The following PLK3 variants were observed in gnomAD, a reference collection of about 807,000 sequenced individuals.
PLK3 encodes the protein serine/threonine-protein kinase PLK3.
A neutral mutation model predicts 71.6 loss-of-function variants in PLK3; 41 were observed. The observed-to-expected ratio is 0.57, with a 90% CI of 0.45 to 0.74. The LOEUF is 0.74. PLK3 is among the 30% of genes least tolerant of loss of function. The pLI is 0.00. For missense variants in PLK3, 791 were observed against 875.6 expected, an observed-to-expected ratio of 0.90 and a Z score of 1.22; for synonymous variants, 366 against 355.4, an observed-to-expected ratio of 1.03 and a Z score of -0.33.
At chr1:44,802,012 G>A in intron 5 of PLK3, 80 bp downstream of exon 5, 2 of 1,041,680 alleles carry the variant, frequency 1.9e-6, no homozygotes, top group Non-Finnish European at 2.9e-6. Flanking sequence ...TGGGAGGCAA[G>A]GTGACTGCCT....
rs139294226 is a variant in PLK3, at chr1:44,804,711, C to T, written c.1567C>T (p.Arg523Trp). Residue 523 changes from arginine (R) to tryptophan (W), a missense_variant, in exon 13 of 15, where the codon CGG (arginine) becomes TGG (tryptophan). Physicochemically the swap from Arg to Trp is moderately radical, Grantham distance 101. Coordinates refer to ENST00000372201, the MANE Select transcript of PLK3 (RefSeq NM_004073.4). The part of the protein sequence containing the change: ...HFSFSVGAVP[R>W]ALQPQLGILR... ...CTCCTTCTCCGTGGGTGCTGTGCCC[C>T]GGGCCCTGCAGCCTCAGCTGGGTAT... is the stretch of plus-strand genomic sequence containing the variant. The T allele has an allele frequency of 1.1e-4, 184 of 1,613,800 alleles. No individual in the cohort carries two copies. The African/African-American group carries it at 1.4e-3, about 12-fold the overall frequency.
intron 5 of PLK3, 128 bp downstream of exon 5, chr1:44,802,060 T>C: frequency 1.4e-6 from 1 of 703,736 alleles, no homozygotes; most frequent in Non-Finnish European, 2.4e-6. Context: ...GATGATGGGC[T>C]GTTCATGCAT....
Position 44,803,081 on chromosome 1 carries a change from C to A in PLK3, c.876C>A (p.Ala292=). Residue 292 remains alanine, a synonymous_variant, in exon 7 of 15, where the codon GCC becomes GCA. Transcript: ENST00000372201. This position sits in a 1 kb window ranked among gnomAD's most constrained non-coding sequence, Gnocchi z 4.3. ...SLSLPARQLL[A]AILRASPRDR... is the part of the protein sequence containing the mutation. ...CACTGCCTGCCCGGCAGCTCCTGGCCGCCATCCTTCGGGCCTCACCCCGAG... is the reference window on the plus strand; with the variant it reads ...CACTGCCTGCCCGGCAGCTCCTGGCAGCCATCCTTCGGGCCTCACCCCGAG... 6.2e-7 allele frequency: 1 copy of A among 1,613,950 alleles called. No homozygotes were observed. Among genetic ancestry groups the A allele is most frequent in the South Asian group, 1.1e-5 (1 of 91,088 alleles).
At position 44,801,784 on chromosome 1, in the gene PLK3, G is replaced by GGGGA. The variant is rs747873557; in HGVS notation, c.566-42_566-39dup. On this transcript the variant is annotated intron_variant, in intron 4 of 14. Transcript: ENST00000372201. ...TCCTGAGCCTGGAGGATGGGAGGTT[G>GGGGA]GGGAGGGAGGGAGGGAGGGAGGAAG... is the stretch of plus-strand genomic sequence containing the variant. 64 of 1,594,830 alleles carry GGGGA rather than the reference G, an allele frequency of 4.0e-5. No individual in the cohort carries two copies. The Middle Eastern group carries it at 6.6e-4, about 17-fold the overall frequency.
In PLK3 at chr1:44,800,458, G is replaced by C. The variant is rs1573609911; in HGVS notation, c.-6G>C. 1 of 1,358,392 alleles carries C rather than the reference G, an allele frequency of 7.4e-7. No individual in the cohort carries two copies. Among genetic ancestry groups the C allele is most frequent in the African/African-American group, 1.5e-5 (1 of 64,966 alleles). 84.1% of individuals were successfully genotyped at this position (1,358,392 alleles called of 1,614,324 possible). A position where few individuals can be genotyped will look rare whatever the true frequency, so the allele number is the denominator to read the frequency against. ...AGCCGGGACCGCGCTGCGACGCGCC[G>C]GCCGCATGGAGCCTGCCGCCGGTTT... On this transcript the variant is annotated 5_prime_UTR_variant, in exon 1 of 15. Transcript: ENST00000372201. The surrounding 1 kb of genome is among the most constrained non-coding windows in gnomAD (Gnocchi z 6.5).
chr1:44,805,864 C>T lies in PLK3; in HGVS notation c.*186C>T. On this transcript the variant is annotated 3_prime_UTR_variant, in exon 15 of 15. Transcript: ENST00000372201. ...GCTCCTACCCCATCTCCAAGATAAG[C>T]CTGAGCCTTAGCTCCCAGCTAGGGG... is the stretch of plus-strand genomic sequence containing the variant. 1 of 1,403,548 alleles carries T rather than the reference C, an allele frequency of 7.1e-7. No homozygotes were observed. Among genetic ancestry groups the T allele is most frequent in the Non-Finnish European group, 9.5e-7 (1 of 1,056,100 alleles). The allele number at this position is 1,403,548 out of a possible 1,614,324, so 86.9% of individuals were successfully genotyped here. A position where few individuals can be genotyped will look rare whatever the true frequency, so the allele number is the denominator to read the frequency against.
intron 2 of PLK3, 23 bp from the exon 3 acceptor site, chr1:44,801,013 A>G: frequency 6.2e-7 from 1 of 1,608,494 alleles, no homozygotes; most frequent in Non-Finnish European, 8.5e-7. Flanking sequence ...TGGAAGGATG[A>G]CGACTCCGCG....
rs1370914995 is a variant in PLK3 at position 44,805,296 on chromosome 1, G to A, written c.1666G>A (p.Glu556Lys). 1 of 1,613,718 alleles carries A rather than the reference G, an allele frequency of 6.2e-7. No homozygotes were observed. Among genetic ancestry groups the A allele is most frequent in the Non-Finnish European group, 8.5e-7 (1 of 1,179,846 alleles). ...GGDLPSVEEV[E>K]VPAPPLLLQW... Reference sequence around the variant, plus strand: ...AGATCTGCCCAGTGTGGAAGAGGTAGAGGTACCTGCTCCGCCCTTGCTGCT... The same window carrying A: ...AGATCTGCCCAGTGTGGAAGAGGTAAAGGTACCTGCTCCGCCCTTGCTGCT... Residue 556 changes from glutamate to lysine, a missense_variant, in exon 14 of 15, where the codon GAG becomes AAG. Coordinates refer to ENST00000372201, the MANE Select transcript of PLK3 (RefSeq NM_004073.4).
chr1:44,803,334 C>G lies in PLK3; in HGVS notation c.1015C>G (p.Pro339Ala). Residue 339 changes from proline (P) to alanine (A), a missense_variant, in exon 8 of 15, where the codon CCA (proline) becomes GCA (alanine). Transcript: ENST00000372201. This position sits in a 1 kb window ranked among gnomAD's most constrained non-coding sequence, Gnocchi z 4.3. ...AGTCCCAGACCTGACACCCCCCAAC[C>G]CAGCTAGGAGTCTGTTTGCCAAAGT... ...VTVPDLTPPN[P>A]ARSLFAKVTK... 6.2e-7 allele frequency: 1 copy of G among 1,614,136 alleles called. No homozygotes were observed.
intron 13 of PLK3, 105 bp from the exon 14 acceptor site, chr1:44,805,161 C>A: frequency 1.3e-6 from 1 of 770,476 alleles, no homozygotes. Context: ...CTGATTCCCC[C>A]TTGGTGGTGG....
chr1:44,801,160 A>ATGG lies in PLK3; in HGVS notation c.435+11_435+13dup. On this transcript the variant is annotated intron_variant, in intron 3 of 14. Transcript: ENST00000372201. ...GAGCTCTGCAGCCGAAAGGTGAAAGATGGTGATTCCCGCAGGGATGAGAGT... is the reference window on the plus strand; with the variant it reads ...GAGCTCTGCAGCCGAAAGGTGAAAGATGGTGGTGATTCCCGCAGGGATGAGAGT... 1 of 1,255,890 alleles carries ATGG rather than the reference A, an allele frequency of 8.0e-7. No individual in the cohort carries two copies. The highest frequency in any genetic ancestry group is 1.7e-5 in the Admixed American group (1 of 57,816). The allele number at this position is 1,255,890 out of a possible 1,614,324, so 77.8% of individuals were successfully genotyped here.
In PLK3 at chr1:44,805,475, C is replaced by T. The variant is rs200770304; in HGVS notation, c.1750-12C>T. On this transcript the variant is annotated splice_polypyrimidine_tract_variant and intron_variant, in intron 14 of 14. Transcript: ENST00000372201. ...AGCCTAGGTCCTGACCACTGTCATG[C>T]TCTGTGTGCAGGTGAACTTCTACGG... is the stretch of plus-strand genomic sequence containing the variant. 11 of 1,613,658 alleles carry T rather than the reference C, an allele frequency of 6.8e-6. No individual in the cohort carries two copies. In the Admixed American group the frequency reaches 1.7e-4, roughly 24 times the overall value.
In PLK3 at chr1:44,801,148, G is replaced by A. The variant is rs1651815373; in HGVS notation, c.431G>A (p.Arg144Gln). 1.9e-6 allele frequency: 3 copies of A among 1,584,842 alleles called. No homozygotes were observed. Among genetic ancestry groups the A allele is most frequent in the Non-Finnish European group, 2.6e-6 (3 of 1,155,834 alleles). The change falls in exon 3 of 15, where the codon CGA (arginine) becomes CAA (glutamine). Residue 144 changes from arginine (R) to glutamine (Q), a missense_variant. Coordinates refer to ENST00000372201, the MANE Select transcript of PLK3 (RefSeq NM_004073.4). ...TACATTTTCTTGGAGCTCTGCAGCC[G>A]AAAGGTGAAAGATGGTGATTCCCGC... ...NIYIFLELCSRKSLAHIWKAR... is the reference protein window; with the variant it reads ...NIYIFLELCSQKSLAHIWKAR...
Position 44,800,920 on chromosome 1 carries a change from C to T in PLK3, c.291C>T (p.Arg97=), listed in dbSNP as rs41311199. The change falls in exon 2 of 15, where the codon CGC becomes CGT. Residue 97 remains arginine, a synonymous_variant. Coordinates refer to ENST00000372201, the MANE Select transcript of PLK3 (RefSeq NM_004073.4). The surrounding 1 kb of genome is among the most constrained non-coding windows in gnomAD (Gnocchi z 6.5). The part of the protein sequence containing the change: ...AYAVKVIPQS[R]VAKPHQREKI... ...CTGTCAAAGTCATCCCGCAGAGCCGCGTCGCCAAGCCGCATCAGCGCGAGA... is the reference window on the plus strand; with the variant it reads ...CTGTCAAAGTCATCCCGCAGAGCCGTGTCGCCAAGCCGCATCAGCGCGAGA... 6,812 of 1,612,710 alleles carry T rather than the reference C, an allele frequency of 4.2e-3. 38 individuals are homozygous for T. Among genetic ancestry groups the T allele is most frequent in the East Asian group, 0.013 (568 of 44,866 alleles).
At position 44,803,233 on chromosome 1, in the gene PLK3, C is replaced by T; in HGVS notation, c.949-35C>T. The T allele has an allele frequency of 6.2e-7, 1 of 1,612,260 alleles. No homozygotes were observed. Among genetic ancestry groups the T allele is most frequent in the South Asian group, 1.1e-5 (1 of 91,044 alleles). On this transcript the variant is annotated intron_variant, in intron 7 of 14. Coordinates refer to ENST00000372201, the MANE Select transcript of PLK3 (RefSeq NM_004073.4). This position sits in a 1 kb window ranked among gnomAD's most constrained non-coding sequence, Gnocchi z 4.3. ...GGGGCAGGTGACAGGACCCCTGGAG[C>T]CTCTCTTCTCTGTTCACATGGTTCC...
chr1:44,803,400 G>A lies in PLK3; in HGVS notation c.1072+9G>A. 1 of 1,613,950 alleles carries A rather than the reference G, an allele frequency of 6.2e-7. No individual in the cohort carries two copies. The highest frequency in any genetic ancestry group is 8.5e-7 in the Non-Finnish European group (1 of 1,179,982). On this transcript the variant is annotated intron_variant, in intron 8 of 14. Transcript: ENST00000372201. The surrounding 1 kb of genome is among the most constrained non-coding windows in gnomAD (Gnocchi z 4.3). Reference sequence around the variant, plus strand: ...TGGCAGAAAGAAGAAGAGTGAGTCTGGGGTGTCAGTGGGTTGAGGGGGCAG... The same window carrying A: ...TGGCAGAAAGAAGAAGAGTGAGTCTAGGGTGTCAGTGGGTTGAGGGGGCAG...
At chr1:44,802,725 C>A (rs759429158) in intron 5 of PLK3, 35 bp from the exon 6 acceptor site, 8 of 1,475,986 alleles carry the variant, frequency 5.4e-6, no homozygotes, top group Admixed American at 3.3e-5. Flanking sequence ...TGGGCTGGGT[C>A]TCAGCCTTCT....
chr1:44,801,452 C>A (rs934629259), intron 3 of PLK3, among the ~76,000 whole-genome samples, 170 bp from the exon 4 acceptor site: 1 of 152,116 alleles, frequency 6.6e-6, no homozygotes, highest in Non-Finnish European at 1.5e-5. Flanking sequence ...TTGTGATACA[C>A]CTGCCTTGGC....
rs17881166 is a variant in PLK3, at chr1:44,803,562, G to A, written c.1073-38G>A. On this transcript the variant is annotated intron_variant, in intron 8 of 14. Coordinates refer to ENST00000372201, the MANE Select transcript of PLK3 (RefSeq NM_004073.4). The surrounding 1 kb of genome is among the most constrained non-coding windows in gnomAD (Gnocchi z 4.3). ...ATCCCTGTCGGAAGTGGAGGGGCTG[G>A]GCAGGATACTGAGGACGGTATCACC... The A allele has an allele frequency of 3.9e-4, 616 of 1,592,244 alleles. 3 individuals carry two copies. In the African/African-American group the frequency reaches 7.3e-3, roughly 19 times the overall value.
Sources: gnomAD v4.1 joint callset for allele counts (sites outside exome capture counted in the v4.1 genomes callset) on GRCh38, gnomAD v4.1.1 for gene constraint, Gnocchi (gnomAD v3.1) non-coding constraint, MANE v1.5 for transcripts, NCBI Gene and HGNC (gene_info 2026-07-23, HGNC 2026-07-21) for gene names.